ADGRL3: variants seen among roughly 807,000 people sequenced by gnomAD.
ADGRL3 encodes calcium-independent alpha-latrotoxin receptor 3.
In ADGRL3, 62 loss-of-function variants were observed where a neutral mutation model predicts 153.5. That is an observed-to-expected ratio of 0.40 (90% CI 0.33 to 0.50). The LOEUF (loss-of-function observed/expected upper bound fraction) is 0.50, where lower values mean the gene tolerates loss of function less well. ADGRL3 is among the 20% of genes least tolerant of loss of function. The pLI, the probability that ADGRL3 is intolerant of heterozygous loss-of-function variation, is 0.47. For synonymous variants in ADGRL3, 710 were observed against 672.5 expected (o/e 1.06, Z -0.86); for missense variants, 1,641 against 1,859.4 (o/e 0.88, Z 2.16).
chr4:61,610,373 C>T (rs1175436478), intron 5 of ADGRL3, among the ~76,000 whole-genome samples: 1 of 152,108 alleles, frequency 6.6e-6, no homozygotes, highest in Non-Finnish European at 1.5e-5. Context: ...GGTATGTCAG[C>T]AACTACAGTT....
At chr4:61,310,312 T>C (rs142238574) in intron 1 of ADGRL3, among the ~76,000 whole-genome samples, 53 of 152,132 alleles carry the variant, frequency 3.5e-4, no homozygotes, top group Non-Finnish European at 1.0e-4. Flanking sequence ...TACGGAGGAA[T>C]AGAGCGCTTA....
intron 1 of ADGRL3, among the ~76,000 whole-genome samples, chr4:61,314,243 CTT>C (rs1553901145): frequency 6.8e-6 from 1 of 146,072 alleles, no homozygotes; most frequent in Non-Finnish European, 1.5e-5. Flanking sequence ...GAGTTTCGCT[CTT>C]GTTGCCCAGG....
At chr4:61,413,243 G>T (rs1238439092) in intron 2 of ADGRL3, among the ~76,000 whole-genome samples, 3 of 152,178 alleles carry the variant, frequency 2.0e-5, no homozygotes, top group African/African-American at 7.2e-5. Flanking sequence ...ATGGGTATGA[G>T]TGCCTTGTTA....
At chr4:61,929,645 C>T (rs1379625343) in intron 13 of ADGRL3, among the ~76,000 whole-genome samples, 1 of 152,158 alleles carries the variant, frequency 6.6e-6, no homozygotes, top group Non-Finnish European at 1.5e-5. Flanking sequence ...AATGAGACAG[C>T]ATCTCCTCCT....
chr4:61,445,946 G>A (rs1456878), intron 2 of ADGRL3, among the ~76,000 whole-genome samples: 141,817 of 152,232 alleles, frequency 0.93, 66,903 homozygotes, highest in East Asian at 1. Flanking sequence ...ACTTAGCAGT[G>A]TGCCATAGTT....
intron 23 of ADGRL3, among the ~76,000 whole-genome samples, chr4:62,035,263 A>T (rs1314115190): frequency 6.6e-6 from 1 of 152,030 alleles, no homozygotes; most frequent in African/African-American, 2.4e-5. Context: ...ATCGGTTCAG[A>T]ACATTTAATC....
chr4:61,595,033 G>A (rs1290676769), intron 5 of ADGRL3, among the ~76,000 whole-genome samples: 8 of 152,146 alleles, frequency 5.3e-5, no homozygotes, highest in Admixed American at 2.6e-4. Flanking sequence ...TTGTGTGAAT[G>A]TTGCCAGGCC....
At chr4:61,378,371 G>A (rs1289057000) in intron 1 of ADGRL3, among the ~76,000 whole-genome samples, 1 of 151,938 alleles carries the variant, frequency 6.6e-6, no homozygotes, top group Non-Finnish European at 1.5e-5. Flanking sequence ...TTTATATAAT[G>A]GAGTACCCTT....
At chr4:61,925,607 C>T (rs1329117100) in intron 13 of ADGRL3, among the ~76,000 whole-genome samples, 4 of 152,030 alleles carry the variant, frequency 2.6e-5, no homozygotes, top group Admixed American at 2.0e-4. Context: ...CAGGAGCCGC[C>T]ATATCACATT....
chr4:61,305,768 A>C (rs924560153), intron 1 of ADGRL3, among the ~76,000 whole-genome samples: 2 of 152,150 alleles, frequency 1.3e-5, no homozygotes, highest in Non-Finnish European at 1.5e-5. Context: ...ATGGCTCATA[A>C]ATCCACTTCT....
intron 2 of ADGRL3, among the ~76,000 whole-genome samples, chr4:61,419,532 T>C (rs999899859): frequency 6.6e-6 from 1 of 151,948 alleles, no homozygotes; most frequent in African/African-American, 2.4e-5. Context: ...GTTGACCTAA[T>C]GTAAACATAC....
At chr4:61,543,149 C>CT (rs1469482912) in intron 4 of ADGRL3, among the ~76,000 whole-genome samples, 2 of 149,340 alleles carry the variant, frequency 1.3e-5, no homozygotes, top group African/African-American at 2.5e-5. Context: ...CCCACCCCCC[C>CT]ACCTCGACTT....
In ADGRL3 at chr4:61,787,068, C is replaced by G. The variant is rs116283132; in HGVS notation, c.1400-26741C>G. On this transcript the variant is annotated intron_variant, in intron 8 of 26. Transcript: ENST00000683033. Reference sequence around the variant, plus strand: ...ACATTTGTTAGACATTTCTTAGTTTCCTGGGCAAGGTATACCTTGAGAGGT... The same window carrying G: ...ACATTTGTTAGACATTTCTTAGTTTGCTGGGCAAGGTATACCTTGAGAGGT... Among the ~76,000 whole-genome samples, 1,141 of 152,128 alleles carry G rather than the reference C, an allele frequency of 7.5e-3. 18 individuals carry two copies. Among genetic ancestry groups the G allele is most frequent in the African/African-American group, 0.023 (967 of 41,534 alleles).
intron 25 of ADGRL3, among the ~76,000 whole-genome samples, chr4:62,051,708 A>G (rs1734315147): frequency 6.6e-6 from 1 of 151,714 alleles, no homozygotes. Flanking sequence ...ATTGTATTTA[A>G]TTTCCTCACG....
At chr4:61,444,938 A>C (rs542760412) in intron 2 of ADGRL3, among the ~76,000 whole-genome samples, 79 of 152,138 alleles carry the variant, frequency 5.2e-4, no homozygotes, top group African/African-American at 1.7e-3. Context: ...CTGTAGTCCC[A>C]GCTACTCGGA....
At chr4:61,380,882 G>A (rs193129221) in intron 1 of ADGRL3, among the ~76,000 whole-genome samples, 16 of 152,006 alleles carry the variant, frequency 1.1e-4, no homozygotes, top group East Asian at 3.9e-4. Flanking sequence ...AAATTCAGTC[G>A]TATTACTTTT....
intron 19 of ADGRL3, among the ~76,000 whole-genome samples, chr4:61,988,930 A>T (rs2099094877): frequency 6.6e-6 from 1 of 152,066 alleles, no homozygotes; most frequent in African/African-American, 2.4e-5. Flanking sequence ...TGTTAAAAAT[A>T]ATTGAAATCA....
chr4:61,846,465 C>T (rs1243390038), intron 9 of ADGRL3, among the ~76,000 whole-genome samples: 3 of 152,114 alleles, frequency 2.0e-5, no homozygotes, highest in Non-Finnish European at 4.4e-5. Flanking sequence ...TTACAGCCAT[C>T]TAGCCTTCTG....
chr4:61,767,414 A>G (rs1158266052), intron 8 of ADGRL3, among the ~76,000 whole-genome samples: 1 of 152,070 alleles, frequency 6.6e-6, no homozygotes, highest in Admixed American at 6.5e-5. Flanking sequence ...CAAGGGAAAC[A>G]GACCCTTGAA....
Sources: allele counts gnomAD v4.1 joint callset (sites outside exome capture counted in the v4.1 genomes callset), GRCh38; gene constraint gnomAD v4.1.1; transcripts MANE v1.5; gene names NCBI Gene and HGNC (gene_info 2026-07-23, HGNC 2026-07-21).